SETBP1: variants seen among roughly 807,000 people sequenced by gnomAD.
The protein encoded by SETBP1 is SET binding protein 1.
Under a neutral mutation model 101.0 loss-of-function variants are expected in SETBP1, and 9 were observed. That is an observed-to-expected ratio of 0.09 (90% CI 0.05 to 0.16). The LOEUF (loss-of-function observed/expected upper bound fraction) is 0.16, where lower values mean the gene tolerates loss of function less well. Among genes scored for constraint, SETBP1 ranks in the 10% least tolerant of loss-of-function variants. The probability of loss-of-function intolerance (pLI) is 1.00; values close to 1 mark genes in which losing one functional copy is unlikely to be tolerated. For missense variants in SETBP1, 1,858 were observed against 2,033.8 expected, an observed-to-expected ratio of 0.91 and a Z score of 1.66; for synonymous variants, 818 against 788.5, an observed-to-expected ratio of 1.04 and a Z score of -0.63.
intron 2 of SETBP1, among the ~76,000 whole-genome samples, chr18:44,842,329 G>T (rs142806613): frequency 2.0e-5 from 3 of 152,276 alleles, no homozygotes; most frequent in Non-Finnish European, 4.4e-5. Flanking sequence ...GAGCAAATAG[G>T]TCACCGGACA....
intron 4 of SETBP1, 92 bp downstream of exon 4, chr18:44,953,432 A>T: frequency 1.7e-6 from 2 of 1,160,426 alleles, no homozygotes. Context: ...TGTGTTCACT[A>T]GTTTGCAAAG....
chr18:44,934,892 G>T (rs2070924280), intron 3 of SETBP1, among the ~76,000 whole-genome samples: 1 of 152,172 alleles, frequency 6.6e-6, no homozygotes, highest in South Asian at 2.1e-4. Flanking sequence ...AGTGACACAT[G>T]CCACACTATC....
chr18:44,873,538 G>A lies in SETBP1; in HGVS notation c.540+4255G>A, dbSNP rs556887887. On this transcript the variant is annotated intron_variant, in intron 3 of 5. Coordinates refer to ENST00000649279, the MANE Select transcript of SETBP1 (RefSeq NM_015559.3). Reference sequence around the variant, plus strand: ...CCCGGCAGAGGTGGTGTTGTACCTGGGCCAGGATGGGTGAGAAAAAAGTGA... The same window carrying A: ...CCCGGCAGAGGTGGTGTTGTACCTGAGCCAGGATGGGTGAGAAAAAAGTGA... Among the ~76,000 whole-genome samples the A allele has an allele frequency of 4.6e-5, 7 of 152,210 alleles. No individual in the cohort carries two copies. The South Asian group carries it at 1.5e-3, about 32-fold the overall frequency.
chr18:44,967,288 A>G (rs561633005), intron 4 of SETBP1, among the ~76,000 whole-genome samples: 1 of 152,320 alleles, frequency 6.6e-6, no homozygotes, highest in African/African-American at 2.4e-5. Flanking sequence ...AATTCTCTGG[A>G]AAGGGCAGTC....
chr18:44,771,915 T>C (rs2144637685), intron 2 of SETBP1, among the ~76,000 whole-genome samples: 1 of 152,322 alleles, frequency 6.6e-6, no homozygotes, highest in Middle Eastern at 3.4e-3. Context: ...TTGCAGCTTA[T>C]ATGATGGAAC....
chr18:44,996,266 G>A (rs970194372), intron 4 of SETBP1, among the ~76,000 whole-genome samples: 1 of 152,318 alleles, frequency 6.6e-6, no homozygotes. Context: ...CTTCTCCAAA[G>A]AATGTCTCAG....
Position 45,067,182 on chromosome 18 carries a change from A to G in SETBP1, c.*3484A>G, listed in dbSNP as rs1599517576. 6.6e-6 allele frequency: 1 copy of G among 152,210 alleles called. No individual in the cohort carries two copies. The highest frequency in any genetic ancestry group is 1.9e-4 in the East Asian group (1 of 5,198). 9.4% of individuals were successfully genotyped at this position (152,210 alleles called of 1,614,324 possible). A position where few individuals can be genotyped will look rare whatever the true frequency, so the allele number is the denominator to read the frequency against. On this transcript the variant is annotated 3_prime_UTR_variant, in exon 6 of 6. Transcript: ENST00000649279. Reference sequence around the variant, plus strand: ...GGACTAGGAGGCCATGTTCAATGGCAGTCAGAATTTGTGTTCTGCGCATTG... The same window carrying G: ...GGACTAGGAGGCCATGTTCAATGGCGGTCAGAATTTGTGTTCTGCGCATTG...
At chr18:44,714,235 G>C (rs2069411109) in intron 2 of SETBP1, among the ~76,000 whole-genome samples, 1 of 151,740 alleles carries the variant, frequency 6.6e-6, no homozygotes, top group Non-Finnish European at 1.5e-5. Flanking sequence ...GTCTTGCTCT[G>C]TCACCCAGGC....
intron 2 of SETBP1, among the ~76,000 whole-genome samples, chr18:44,822,991 T>C (rs1204111851): frequency 6.6e-6 from 1 of 152,024 alleles, no homozygotes; most frequent in Non-Finnish European, 1.5e-5. Context: ...AAAAAATACA[T>C]GTGGTGGTGT....
intron 3 of SETBP1, among the ~76,000 whole-genome samples, chr18:44,932,450 G>A (rs2070859499): frequency 6.6e-6 from 1 of 152,126 alleles, no homozygotes; most frequent in Non-Finnish European, 1.5e-5. Flanking sequence ...GATCTTTGTG[G>A]CGTTCTCTGT....
intron 2 of SETBP1, among the ~76,000 whole-genome samples, chr18:44,833,342 G>A (rs888424201): frequency 2.0e-5 from 3 of 152,232 alleles, no homozygotes; most frequent in African/African-American, 7.2e-5. Context: ...GAGCCTAGCA[G>A]AGCTTGGTTT....
intron 2 of SETBP1, among the ~76,000 whole-genome samples, chr18:44,770,878 G>A (rs76746678): frequency 0.01 from 1,555 of 152,128 alleles, 24 homozygotes; most frequent in African/African-American, 0.035. Context: ...AGGTGGAGGT[G>A]TGACTCCAGA....
chr18:44,741,448 T>A (rs1202207472), intron 2 of SETBP1, among the ~76,000 whole-genome samples: 1 of 152,202 alleles, frequency 6.6e-6, no homozygotes, highest in African/African-American at 2.4e-5. Context: ...TTTCATTGCC[T>A]GTGCCATCGG....
rs556454869 is a variant in SETBP1 at position 44,721,109 on chromosome 18, G to A, written c.486+19277G>A. On this transcript the variant is annotated intron_variant, in intron 2 of 5. Coordinates refer to ENST00000649279, the MANE Select transcript of SETBP1 (RefSeq NM_015559.3). ...AGAGGCTGAGAGAGCCTTCTGGGAC[G>A]TGGAAAGGAGCCACCTCTAAGGTCT... Among the ~76,000 whole-genome samples the A allele has an allele frequency of 3.9e-5, 6 of 152,288 alleles. No individual in the cohort carries two copies. In the East Asian group the frequency reaches 5.8e-4, roughly 15 times the overall value.
chr18:44,700,172 G>A (rs767509405), intron 1 of SETBP1, among the ~76,000 whole-genome samples: 5 of 152,088 alleles, frequency 3.3e-5, no homozygotes, highest in Non-Finnish European at 5.9e-5. Flanking sequence ...GTATGAAATT[G>A]GGAATAATAG....
chr18:45,006,032 C>A (rs1432220987), intron 4 of SETBP1, among the ~76,000 whole-genome samples: 3 of 146,728 alleles, frequency 2.0e-5, no homozygotes, highest in African/African-American at 7.6e-5. Context: ...CAGCTCACTG[C>A]AAGCTCCACC....
Position 44,951,495 on chromosome 18 carries a change from G to A in SETBP1, c.2155G>A (p.Gly719Arg). The change falls in exon 4 of 6, where the codon GGA becomes AGA. Residue 719 changes from glycine (G) to arginine (R), a missense_variant. Transcript: ENST00000649279. The surrounding 1 kb of genome is among the most constrained non-coding windows in gnomAD (Gnocchi z 7.8). Reference protein sequence around the residue: ...LGKQINVSKRGTIYIGKKRGR... With the variant: ...LGKQINVSKRRTIYIGKKRGR... ...CAAGCAGATTAATGTCAGCAAGAGGGGAACCATCTACATTGGCAAGAAGCG... is the reference window on the plus strand; with the variant it reads ...CAAGCAGATTAATGTCAGCAAGAGGAGAACCATCTACATTGGCAAGAAGCG... The A allele has an allele frequency of 6.2e-7, 1 of 1,614,076 alleles. No individual in the cohort carries two copies. Among genetic ancestry groups the A allele is most frequent in the Non-Finnish European group, 8.5e-7 (1 of 1,180,030 alleles).
intron 4 of SETBP1, among the ~76,000 whole-genome samples, chr18:44,958,287 G>C (rs189862072): frequency 6.6e-6 from 1 of 152,310 alleles, no homozygotes; most frequent in Non-Finnish European, 1.5e-5. Flanking sequence ...ACCACTGGTT[G>C]TATATTAATC....
intron 2 of SETBP1, among the ~76,000 whole-genome samples, chr18:44,804,264 G>A (rs1160421980): frequency 6.6e-6 from 1 of 152,116 alleles, no homozygotes. Flanking sequence ...CAGGTTATGA[G>A]GATGAAAGAG....
Sources: gnomAD v4.1 joint callset for allele counts (sites outside exome capture counted in the v4.1 genomes callset) on GRCh38, gnomAD v4.1.1 for gene constraint, Gnocchi (gnomAD v3.1) non-coding constraint, MANE v1.5 for transcripts, NCBI Gene and HGNC (gene_info 2026-07-23, HGNC 2026-07-21) for gene names.